PRTFDC1: variants seen among roughly 807,000 people sequenced by gnomAD.
PRTFDC1 encodes the protein phosphoribosyltransferase domain-containing protein 1.
A neutral mutation model predicts 34.6 loss-of-function variants in PRTFDC1; 38 were observed. The ratio of observed to expected loss-of-function variants is 1.10; its 90% CI spans 0.85 to 1.44. PRTFDC1 has a LOEUF of 1.44. PRTFDC1 is among the 40% of genes most tolerant of loss of function. The pLI is 0.00. For synonymous variants in PRTFDC1, 93 were observed against 98.1 expected (o/e 0.95, Z 0.31); for missense variants, 270 against 283.0 (o/e 0.95, Z 0.33).
At chr10:24,858,534 A>C in intron 4 of PRTFDC1, 125 bp from the exon 5 acceptor site, 1 of 948,908 alleles carries the variant, frequency 1.1e-6, no homozygotes, top group African/African-American at 1.6e-5. Context: ...CATCCATCTA[A>C]TTCAAAGGAC....
At chr10:24,951,685 T>C (rs939483783) in intron 1 of PRTFDC1, 3 of 874,494 alleles carry the variant, frequency 3.4e-6, no homozygotes, top group Non-Finnish European at 4.1e-6. Flanking sequence ...ACACAAGTTA[T>C]AACCACCACC....
At chr10:24,950,719 G>C (rs890534365) in intron 1 of PRTFDC1, among the ~76,000 whole-genome samples, 6 of 151,438 alleles carry the variant, frequency 4.0e-5, no homozygotes, top group Non-Finnish European at 5.9e-5. Flanking sequence ...GTTCTTTCTC[G>C]GTTCCTTCAA....
At chr10:24,923,189 C>T (rs563564638) in intron 3 of PRTFDC1, among the ~76,000 whole-genome samples, 130 of 152,336 alleles carry the variant, frequency 8.5e-4, no homozygotes, top group African/African-American at 2.7e-3. Context: ...CAAGGCCTAC[C>T]GCCTCTCTAG....
chr10:24,865,144 A>G (rs1365656316), intron 4 of PRTFDC1, among the ~76,000 whole-genome samples: 1 of 151,924 alleles, frequency 6.6e-6, no homozygotes, highest in Non-Finnish European at 1.5e-5. Context: ...AAACGAACAA[A>G]AATACATAAC....
chr10:24,872,190 G>A, intron 3 of PRTFDC1, 127 bp from the exon 4 acceptor site: 1 of 772,504 alleles, frequency 1.3e-6, no homozygotes, highest in Non-Finnish European at 2.1e-6. Context: ...TAGCTAATAG[G>A]GATTCATGGT....
intron 3 of PRTFDC1, among the ~76,000 whole-genome samples, chr10:24,880,521 G>T (rs1271366527): frequency 6.6e-6 from 1 of 152,150 alleles, no homozygotes; most frequent in Admixed American, 6.6e-5. Flanking sequence ...CCTGACATTG[G>T]TTTTGTGATT....
chr10:24,935,621 G>A (rs1849037577), intron 3 of PRTFDC1, among the ~76,000 whole-genome samples: 1 of 152,204 alleles, frequency 6.6e-6, no homozygotes, highest in Non-Finnish European at 1.5e-5. Flanking sequence ...GGTAAGACTT[G>A]TAAACGTGGT....
At chr10:24,875,887 G>C (rs887638037) in intron 3 of PRTFDC1, among the ~76,000 whole-genome samples, 1 of 81,536 alleles carries the variant, frequency 1.2e-5, no homozygotes, top group Non-Finnish European at 2.3e-5. Flanking sequence ...ACAGGGTCTT[G>C]TTCTGTCATC....
At chr10:24,920,616 G>A (rs555183431) in intron 3 of PRTFDC1, among the ~76,000 whole-genome samples, 1 of 152,230 alleles carries the variant, frequency 6.6e-6, no homozygotes, top group South Asian at 2.1e-4. Context: ...GATAGATGCA[G>A]CAAATCACCA....
intron 3 of PRTFDC1, among the ~76,000 whole-genome samples, chr10:24,882,633 T>C (rs1246838892): frequency 1.3e-5 from 2 of 152,150 alleles, no homozygotes; most frequent in African/African-American, 4.8e-5. Flanking sequence ...TATTTTATTA[T>C]CTCAGTTCCT....
intron 3 of PRTFDC1, among the ~76,000 whole-genome samples, chr10:24,924,233 G>T (rs1213883392): frequency 6.6e-6 from 1 of 152,174 alleles, no homozygotes; most frequent in Non-Finnish European, 1.5e-5. Context: ...CACTCTTCAG[G>T]ATATTACCCA....
At chr10:24,920,548 C>T (rs566769572) in intron 3 of PRTFDC1, among the ~76,000 whole-genome samples, 23 of 150,616 alleles carry the variant, frequency 1.5e-4, no homozygotes, top group African/African-American at 5.0e-4. Flanking sequence ...GAAGATGCGG[C>T]GACAGCATCA....
At position 24,906,953 on chromosome 10, in the gene PRTFDC1, A is replaced by G. The variant is rs1039267229; in HGVS notation, c.339+30231T>C. Among the ~76,000 whole-genome samples the G allele has an allele frequency of 2.7e-4, 41 of 152,370 alleles. 1 individual carries two copies. Among genetic ancestry groups the G allele is most frequent in the Non-Finnish European group, 5.4e-4 (37 of 68,046 alleles). The stretch of plus-strand genomic sequence containing the variant: ...CTTTATATGTTTGGAATATAGGCAT[A>G]TCATTATATACATTTAGCATATAAA... On this transcript the variant is annotated intron_variant, in intron 3 of 8. Coordinates refer to ENST00000320152, the MANE Select transcript of PRTFDC1 (RefSeq NM_020200.7).
At chr10:24,924,219 A>G (rs1250334298) in intron 3 of PRTFDC1, among the ~76,000 whole-genome samples, 2 of 152,236 alleles carry the variant, frequency 1.3e-5, no homozygotes, top group Non-Finnish European at 2.9e-5. Flanking sequence ...ACCAAGTTAG[A>G]AAACACTCTT....
intron 3 of PRTFDC1, among the ~76,000 whole-genome samples, chr10:24,888,739 A>G (rs772438894): frequency 1.3e-5 from 2 of 152,226 alleles, no homozygotes; most frequent in Non-Finnish European, 1.5e-5. Context: ...AAAAGGTATC[A>G]ATGTACCCTT....
intron 3 of PRTFDC1, among the ~76,000 whole-genome samples, chr10:24,880,866 T>TCTTTCTTTCTTC: frequency 6.7e-6 from 1 of 148,654 alleles, no homozygotes; most frequent in Non-Finnish European, 1.5e-5. Context: ...TTTCTTTCTT[T>TCTTTCTTTCTTC]CTTTCTTTCT....
intron 3 of PRTFDC1, among the ~76,000 whole-genome samples, chr10:24,917,184 G>A (rs1334388420): frequency 6.6e-6 from 1 of 152,114 alleles, no homozygotes; most frequent in Non-Finnish European, 1.5e-5. Context: ...TTTTCATCAG[G>A]GAAGTAAACC....
At position 24,880,256 on chromosome 10, in the gene PRTFDC1, C is replaced by CT. The variant is rs567139175; in HGVS notation, c.340-8194dup. Among the ~76,000 whole-genome samples the CT allele has an allele frequency of 4.7e-3, 649 of 139,072 alleles. 6 individuals carry two copies. The highest frequency in any genetic ancestry group is 5.8e-3 in the Non-Finnish European group (367 of 63,772). The allele number at this position is 139,072 out of a possible 152,430, so 91.2% of individuals were successfully genotyped here. A position where few individuals can be genotyped will look rare whatever the true frequency, so the allele number is the denominator to read the frequency against. ...TTTAGTATTTTTTTTTCTTTTTTTT[C>CT]TTTTTTTTTTTGTTGAGACAGAGTC... On this transcript the variant is annotated intron_variant, in intron 3 of 8. Coordinates refer to ENST00000320152, the MANE Select transcript of PRTFDC1 (RefSeq NM_020200.7).
intron 3 of PRTFDC1, among the ~76,000 whole-genome samples, chr10:24,880,828 T>C (rs1459159929): frequency 7.9e-6 from 1 of 126,834 alleles, no homozygotes; most frequent in Non-Finnish European, 1.6e-5. Flanking sequence ...TCTTTCTTTC[T>C]TTCTTTCTTT....
Sources: allele counts gnomAD v4.1 joint callset (sites outside exome capture counted in the v4.1 genomes callset), GRCh38; gene constraint gnomAD v4.1.1; transcripts MANE v1.5; gene names NCBI Gene and HGNC (gene_info 2026-07-23, HGNC 2026-07-21).